Variants in CACNG5 observed in about 807,000 individuals in gnomAD.
CACNG5 encodes calcium voltage-gated channel auxiliary subunit gamma 5.
In CACNG5, 18 loss-of-function variants were observed where a neutral mutation model predicts 24.8. The ratio of observed to expected loss-of-function variants is 0.73; its 90% CI spans 0.50 to 1.08. The LOEUF is 1.08. Ranked by LOEUF, CACNG5 falls within the 50% of genes least tolerant of loss-of-function variation. CACNG5 has a pLI of 0.00. For missense variants in CACNG5, 349 were observed against 367.9 expected, an observed-to-expected ratio of 0.95 and a Z score of 0.42; for synonymous variants, 157 against 149.1, an observed-to-expected ratio of 1.05 and a Z score of -0.39.
chr17:66,878,090 G>A (rs913320810), intron 2 of CACNG5, among the ~76,000 whole-genome samples: 3 of 152,196 alleles, frequency 2.0e-5, no homozygotes, highest in African/African-American at 7.2e-5. Context: ...TCTGCAGCAT[G>A]GTAGAGGTTT....
At chr17:66,840,420 T>A (rs1442423520) in intron 1 of CACNG5, among the ~76,000 whole-genome samples, 8 of 152,174 alleles carry the variant, frequency 5.3e-5, no homozygotes, top group African/African-American at 1.9e-4. Flanking sequence ...TTCCCTCTGA[T>A]GATGCTGCCC....
intron 4 of CACNG5, 111 bp from the exon 5 acceptor site, chr17:66,884,405 A>C: frequency 8.8e-7 from 1 of 1,130,636 alleles, no homozygotes; most frequent in Non-Finnish European, 1.3e-6. Context: ...GAGCATTGTT[A>C]CCCCAAGGCT....
chr17:66,879,602 C>T (rs1437156071), intron 3 of CACNG5, among the ~76,000 whole-genome samples: 2 of 152,110 alleles, frequency 1.3e-5, no homozygotes, highest in Admixed American at 1.3e-4. Context: ...ACTTACCATT[C>T]CAATTTTATT....
Position 66,891,771 on chromosome 17 carries a change from A to G in CACNG5, c.*6531A>G, listed in dbSNP as rs1195208114. 1.3e-5 allele frequency among the ~76,000 whole-genome samples: 2 copies of G among 152,242 alleles called. No homozygotes were observed. The highest frequency in any genetic ancestry group is 2.9e-5 in the Non-Finnish European group (2 of 68,044). Reference sequence around the variant, plus strand: ...GAGGAACACATGAGAGATGGGATCTATGGTAGCAACCACCTTTGAGAAACA... The same window carrying G: ...GAGGAACACATGAGAGATGGGATCTGTGGTAGCAACCACCTTTGAGAAACA... On this transcript the variant is annotated 3_prime_UTR_variant, in exon 6 of 6. Coordinates refer to ENST00000533854, the MANE Select transcript of CACNG5 (RefSeq NM_145811.3).
In CACNG5 at chr17:66,892,382, G is replaced by A. The variant is rs527724957; in HGVS notation, c.*7142G>A. Among the ~76,000 whole-genome samples the A allele has an allele frequency of 3.3e-5, 5 of 152,268 alleles. No individual in the cohort carries two copies. The highest frequency in any genetic ancestry group is 5.9e-5 in the Non-Finnish European group (4 of 68,042). ...GGATAGAGAACATTCTGGAGCCAAC[G>A]TGTTCTCCAGCCCACTGTCAGGGCC... On this transcript the variant is annotated 3_prime_UTR_variant, in exon 6 of 6. Transcript: ENST00000533854.
intron 1 of CACNG5, among the ~76,000 whole-genome samples, chr17:66,852,817 C>T (rs1976722797): frequency 6.6e-6 from 1 of 151,988 alleles, no homozygotes; most frequent in Non-Finnish European, 1.5e-5. Flanking sequence ...CTCTTGCCTG[C>T]CTGCCTTCTT....
At chr17:66,874,607 C>T (rs1368452222) in intron 1 of CACNG5, among the ~76,000 whole-genome samples, 3 of 152,304 alleles carry the variant, frequency 2.0e-5, no homozygotes, top group Non-Finnish European at 4.4e-5. Flanking sequence ...GAAAACAGCA[C>T]CAAGCCATTC....
At position 66,891,673 on chromosome 17, in the gene CACNG5, A is replaced by G. The variant is rs1318490639; in HGVS notation, c.*6433A>G. 5.3e-5 allele frequency among the ~76,000 whole-genome samples: 8 copies of G among 152,184 alleles called. No individual in the cohort carries two copies. On this transcript the variant is annotated 3_prime_UTR_variant, in exon 6 of 6. Coordinates refer to ENST00000533854, the MANE Select transcript of CACNG5 (RefSeq NM_145811.3). ...ATGTCATTTCCATCATAATCCCCAGACAACCTAGGTTTATAGAGAAGAGAA... is the reference window on the plus strand; with the variant it reads ...ATGTCATTTCCATCATAATCCCCAGGCAACCTAGGTTTATAGAGAAGAGAA...
At chr17:66,864,383 C>A (rs951009811) in intron 1 of CACNG5, among the ~76,000 whole-genome samples, 10 of 152,230 alleles carry the variant, frequency 6.6e-5, no homozygotes, top group African/African-American at 2.4e-4. Context: ...TTTTGTTCTG[C>A]CTCTCAGACT....
rs776338645 is a variant in CACNG5, at chr17:66,884,601, C to T, written c.510C>T (p.Tyr170=). The T allele has an allele frequency of 3.1e-6, 5 of 1,614,196 alleles. No individual in the cohort carries two copies. The highest frequency in any genetic ancestry group is 4.2e-6 in the Non-Finnish European group (5 of 1,180,040). ...MLNRTKDAET[Y]FNYKYGWSFA... ...ACAGGACCAAGGATGCAGAGACCTA[C>T]TTCAACTACAAGTATGGGTGGTCGT... The change falls in exon 5 of 6, where the codon TAC becomes TAT. Residue 170 remains tyrosine (Y), a synonymous_variant. Coordinates refer to ENST00000533854, the MANE Select transcript of CACNG5 (RefSeq NM_145811.3).
chr17:66,857,841 G>A (rs1424582613), intron 1 of CACNG5, among the ~76,000 whole-genome samples: 5 of 152,104 alleles, frequency 3.3e-5, no homozygotes, highest in Admixed American at 2.6e-4. Context: ...ACTAATATCC[G>A]GTCCCAGCCC....
chr17:66,859,096 A>G (rs1207483523), intron 1 of CACNG5, among the ~76,000 whole-genome samples: 1 of 152,186 alleles, frequency 6.6e-6, no homozygotes, highest in Non-Finnish European at 1.5e-5. Flanking sequence ...ACACCTTTTC[A>G]TCTGAAGTCA....
rs1240273511 is a variant in CACNG5 at position 66,887,998 on chromosome 17, A to G, written c.*2758A>G. The stretch of plus-strand genomic sequence containing the variant: ...TACAAACTCAACTCAGAAATCATAA[A>G]TTAGGGTCTCTTCTTCAATATACAT... On this transcript the variant is annotated 3_prime_UTR_variant, in exon 6 of 6. Transcript: ENST00000533854. Among the ~76,000 whole-genome samples the G allele has an allele frequency of 5.3e-5, 8 of 152,044 alleles. No individual in the cohort carries two copies. Among genetic ancestry groups the G allele is most frequent in the Admixed American group, 4.6e-4 (7 of 15,266 alleles).
chr17:66,851,539 C>T (rs984135396), intron 1 of CACNG5, among the ~76,000 whole-genome samples: 6 of 152,110 alleles, frequency 3.9e-5, no homozygotes, highest in Admixed American at 3.9e-4. Context: ...TAAAATAAAT[C>T]CAATGTGTTT....
At chr17:66,844,015 T>C (rs574193927) in intron 1 of CACNG5, among the ~76,000 whole-genome samples, 13 of 152,236 alleles carry the variant, frequency 8.5e-5, no homozygotes, top group African/African-American at 3.1e-4. Flanking sequence ...TCTGGAGTGA[T>C]GAACCAGACA....
intron 1 of CACNG5, among the ~76,000 whole-genome samples, chr17:66,873,259 C>T (rs953282773): frequency 6.6e-6 from 1 of 152,152 alleles, no homozygotes; most frequent in Non-Finnish European, 1.5e-5. Flanking sequence ...ATAATAGAAG[C>T]ATAGATATAA....
chr17:66,864,025 G>A (rs12602262), intron 1 of CACNG5, among the ~76,000 whole-genome samples: 7,641 of 152,220 alleles, frequency 0.05, 223 homozygotes, highest in East Asian at 0.13. Flanking sequence ...CTAGACATCT[G>A]TGTGGAACAC....
chr17:66,865,464 CAG>C (rs976922778), intron 1 of CACNG5, among the ~76,000 whole-genome samples: 1 of 152,100 alleles, frequency 6.6e-6, no homozygotes, highest in African/African-American at 2.4e-5. Context: ...CTACAGCAAA[CAG>C]AGCTGAGCAG....
intron 1 of CACNG5, among the ~76,000 whole-genome samples, chr17:66,839,554 G>T (rs1469334973): frequency 6.6e-6 from 1 of 151,954 alleles, no homozygotes; most frequent in African/African-American, 2.4e-5. Context: ...CCCAGGAAGG[G>T]CCTCACTGCA....
Sources: allele counts gnomAD v4.1 joint callset (sites outside exome capture counted in the v4.1 genomes callset), GRCh38; gene constraint gnomAD v4.1.1; transcripts MANE v1.5; gene names NCBI Gene and HGNC (gene_info 2026-07-23, HGNC 2026-07-21).